Variants in CADPS observed in about 807,000 individuals in gnomAD.
CADPS encodes calcium-dependent secretion activator 1.
In CADPS, 57 loss-of-function variants were observed where a neutral mutation model predicts 167.3. The observed-to-expected ratio is 0.34, with a 90% CI of 0.28 to 0.42. CADPS has a LOEUF of 0.42. Among genes scored for constraint, CADPS ranks in the 20% least tolerant of loss-of-function variants. The probability of loss-of-function intolerance (pLI) is 1.00; values close to 1 mark genes in which losing one functional copy is unlikely to be tolerated. For synonymous variants in CADPS, 676 were observed against 635.3 expected, an observed-to-expected ratio of 1.06 and a Z score of -0.96; for missense variants, 1,414 against 1,738.1, an observed-to-expected ratio of 0.81 and a Z score of 3.32.
chr3:62,714,447 C>T (rs1386402588), intron 3 of CADPS, among the ~76,000 whole-genome samples: 1 of 151,988 alleles, frequency 6.6e-6, no homozygotes, highest in Non-Finnish European at 1.5e-5. Context: ...TAAATGGAGG[C>T]CAGAAAGATC....
intron 6 of CADPS, among the ~76,000 whole-genome samples, chr3:62,596,087 A>G (rs936656603): frequency 2.1e-5 from 2 of 95,316 alleles, no homozygotes; most frequent in African/African-American, 4.0e-5. Context: ...ATATATATGT[A>G]TACACACACA....
chr3:62,474,170 T>TTTTTTTTTTTTTTAACA lies in CADPS; in HGVS notation c.3477+2_3477+3insTGTTAAAAAAAAAAAAA. ...AAATCTGTATTTTTTTTTTTTTTTT[T>TTTTTTTTTTTTTTAACA]ACCTCTTGGCCCATTTCCATGCTGC... is the stretch of plus-strand genomic sequence containing the variant. On this transcript the variant is annotated splice_region_variant and intron_variant, in intron 24 of 29. Transcript: ENST00000383710. 6.8e-7 allele frequency: 1 copy of TTTTTTTTTTTTTTAACA among 1,475,398 alleles called. No homozygotes were observed. Among genetic ancestry groups the TTTTTTTTTTTTTTAACA allele is most frequent in the Non-Finnish European group, 9.0e-7 (1 of 1,105,886 alleles). The allele number at this position is 1,475,398 out of a possible 1,614,324, so 91.4% of individuals were successfully genotyped here.
In CADPS at chr3:62,549,796, T is replaced by C. The variant is rs2077041386; in HGVS notation, c.1966+107A>G. The C allele has an allele frequency of 5.8e-6, 5 of 856,742 alleles. No individual in the cohort carries two copies. The South Asian group carries it at 8.8e-5, about 15-fold the overall frequency. The allele number at this position is 856,742 out of a possible 1,614,324, so 53.1% of individuals were successfully genotyped here. A position where few individuals can be genotyped will look rare whatever the true frequency, so the allele number is the denominator to read the frequency against. On this transcript the variant is annotated intron_variant, in intron 11 of 29. Transcript: ENST00000383710. ...ATTCACTATATGTTTTCAGCAAACA[T>C]GATTTTATAAATTTTAAGTATAAAA...
At chr3:62,741,241 T>TGAG (rs2080173582) in intron 3 of CADPS, among the ~76,000 whole-genome samples, 10 of 152,096 alleles carry the variant, frequency 6.6e-5, no homozygotes, top group Admixed American at 6.6e-4. Context: ...TCCAAAAAAT[T>TGAG]GAGGAGGAGG....
chr3:62,867,695 T>C lies in CADPS; in HGVS notation c.441+6894A>G, dbSNP rs185684553. Among the ~76,000 whole-genome samples the C allele has an allele frequency of 4.9e-4, 74 of 152,198 alleles. 1 individual carries two copies. In the South Asian group the frequency reaches 0.015, roughly 31 times the overall value. The stretch of plus-strand genomic sequence containing the variant: ...AAGGCTTGTGATGGCTAGTACTTCA[T>C]ATATATTAACTTGCCCAGTCCTTTC... On this transcript the variant is annotated intron_variant, in intron 1 of 29. Transcript: ENST00000383710.
In CADPS at chr3:62,433,850, G is replaced by A. The variant is rs535632272; in HGVS notation, c.3777+4254C>T. On this transcript the variant is annotated intron_variant, in intron 28 of 29. Transcript: ENST00000383710. This position sits in a 1 kb window ranked among gnomAD's most constrained non-coding sequence, Gnocchi z 4.7. ...ATGATCTGATCTCTAATTTCAAAAAGCATGTTTTTATTTTGGGGAAGATGT... is the reference window on the plus strand; with the variant it reads ...ATGATCTGATCTCTAATTTCAAAAAACATGTTTTTATTTTGGGGAAGATGT... 1.7e-3 allele frequency among the ~76,000 whole-genome samples: 263 copies of A among 152,258 alleles called. 3 individuals carry two copies. Among genetic ancestry groups the A allele is most frequent in the Non-Finnish European group, 2.9e-3 (194 of 68,006 alleles).
At chr3:62,662,507 A>T (rs760941813) in intron 3 of CADPS, 113 bp from the exon 4 acceptor site, 87 of 753,202 alleles carry the variant, frequency 1.2e-4, no homozygotes, top group Non-Finnish European at 1.3e-4. Context: ...TATTTCAGTT[A>T]AAAAAAAATT....
chr3:62,485,339 G>T (rs942478062), intron 21 of CADPS, among the ~76,000 whole-genome samples: 2 of 151,990 alleles, frequency 1.3e-5, no homozygotes, highest in African/African-American at 4.8e-5. Flanking sequence ...CTCAGCGTTT[G>T]CATGCTCTCC....
intron 14 of CADPS, among the ~76,000 whole-genome samples, chr3:62,517,643 T>TGTAA (rs1193934028): frequency 6.6e-6 from 1 of 152,150 alleles, no homozygotes; most frequent in East Asian, 1.9e-4. Flanking sequence ...GGCTATGTGA[T>TGTAA]GTAAGGCTCA....
In CADPS at chr3:62,601,653, T is replaced by C. The variant is rs538976471; in HGVS notation, c.1326-8905A>G. 3.3e-5 allele frequency among the ~76,000 whole-genome samples: 5 copies of C among 152,320 alleles called. No homozygotes were observed. Among genetic ancestry groups the C allele is most frequent in the Admixed American group, 2.6e-4 (4 of 15,294 alleles). On this transcript the variant is annotated intron_variant, in intron 6 of 29. Coordinates refer to ENST00000383710, the MANE Select transcript of CADPS (RefSeq NM_003716.4). The surrounding 1 kb of genome is among the most constrained non-coding windows in gnomAD (Gnocchi z 4.3). ...GTATCATAGCATTTCAGACACGTGG[T>C]GCCCAAATGCTGCTTCCTGATCCAC... is the stretch of plus-strand genomic sequence containing the variant.
chr3:62,851,787 C>T (rs1013520869), intron 1 of CADPS, among the ~76,000 whole-genome samples: 8 of 149,984 alleles, frequency 5.3e-5, no homozygotes, highest in Non-Finnish European at 5.9e-5. Context: ...ATCTTTGTGG[C>T]ATTCTCTGTA....
intron 3 of CADPS, among the ~76,000 whole-genome samples, chr3:62,748,158 A>G (rs1279158082): frequency 1.8e-4 from 19 of 103,352 alleles, no homozygotes; most frequent in African/African-American, 7.6e-4. Flanking sequence ...CCCCGTCTCT[A>G]CTAAAATTAC....
intron 3 of CADPS, among the ~76,000 whole-genome samples, chr3:62,752,313 C>T (rs1002844697): frequency 1.3e-5 from 2 of 152,056 alleles, no homozygotes; most frequent in African/African-American, 2.4e-5. Flanking sequence ...CACAAAAAAC[C>T]TTTCATCTCC....
At chr3:62,657,284 C>T (rs573236654) in intron 4 of CADPS, among the ~76,000 whole-genome samples, 3 of 152,136 alleles carry the variant, frequency 2.0e-5, no homozygotes, top group Non-Finnish European at 4.4e-5. Flanking sequence ...GTGGCATTTT[C>T]ATATTTAAAA....
intron 1 of CADPS, among the ~76,000 whole-genome samples, chr3:62,790,381 C>G (rs2092828043): frequency 6.6e-6 from 1 of 152,022 alleles, no homozygotes; most frequent in Non-Finnish European, 1.5e-5. Context: ...TATTGTAGCC[C>G]TATTCATTTC....
At chr3:62,410,634 A>G (rs559725813) in intron 28 of CADPS, among the ~76,000 whole-genome samples, 6 of 152,342 alleles carry the variant, frequency 3.9e-5, no homozygotes, top group African/African-American at 1.2e-4. Context: ...AAGTGGAGAT[A>G]ATAATAAAAC....
At chr3:62,579,088 A>C (rs2082882887) in intron 8 of CADPS, among the ~76,000 whole-genome samples, 1 of 152,242 alleles carries the variant, frequency 6.6e-6, no homozygotes, top group Admixed American at 6.5e-5. Context: ...TAAATATAAA[A>C]GGAAAATCAG....
intron 8 of CADPS, among the ~76,000 whole-genome samples, chr3:62,574,968 T>G (rs772748330): frequency 6.6e-6 from 1 of 152,198 alleles, no homozygotes; most frequent in Non-Finnish European, 1.5e-5. Context: ...CAAAGGGAAG[T>G]AGATGACTTC....
At position 62,433,072 on chromosome 3, in the gene CADPS, G is replaced by A. The variant is rs894442361; in HGVS notation, c.3777+5032C>T. ...ACAGATATAGCGTCATGTCCTCCTTGTAGCCTATTATTTGGTACTTTCATC... is the reference window on the plus strand; with the variant it reads ...ACAGATATAGCGTCATGTCCTCCTTATAGCCTATTATTTGGTACTTTCATC... On this transcript the variant is annotated intron_variant, in intron 28 of 29. Transcript: ENST00000383710. This position sits in a 1 kb window ranked among gnomAD's most constrained non-coding sequence, Gnocchi z 4.7. 2.6e-5 allele frequency among the ~76,000 whole-genome samples: 4 copies of A among 152,068 alleles called. No individual in the cohort carries two copies. The highest frequency in any genetic ancestry group is 9.7e-5 in the African/African-American group (4 of 41,418).
Sources: allele counts gnomAD v4.1 joint callset (sites outside exome capture counted in the v4.1 genomes callset), GRCh38; gene constraint gnomAD v4.1.1; non-coding constraint Gnocchi (gnomAD v3.1); transcripts MANE v1.5; gene names NCBI Gene and HGNC (gene_info 2026-07-23, HGNC 2026-07-21).